DENND1B: variants seen among roughly 807,000 people sequenced by gnomAD.
The protein encoded by DENND1B is DENN domain containing 1B, also known as DENN domain-containing protein 1B.
Under a neutral mutation model 90.1 loss-of-function variants are expected in DENND1B, and 59 were observed. The ratio of observed to expected loss-of-function variants is 0.65; its 90% CI spans 0.53 to 0.81. DENND1B has a LOEUF of 0.81. DENND1B is among the 40% of genes least tolerant of loss of function. DENND1B has a pLI of 0.00. For missense variants in DENND1B, 862 were observed against 912.6 expected (o/e 0.94, Z 0.71); for synonymous variants, 337 against 324.6 (o/e 1.04, Z -0.41).
intron 2 of DENND1B, among the ~76,000 whole-genome samples, chr1:197,751,617 G>A (rs1302568613): frequency 1.3e-5 from 2 of 152,160 alleles, no homozygotes; most frequent in African/African-American, 2.4e-5. Flanking sequence ...GCCGAGGTGG[G>A]TGGATCACTT....
At chr1:197,645,566 T>A in intron 9 of DENND1B, 124 bp downstream of exon 9, 1 of 488,260 alleles carries the variant, frequency 2.0e-6, no homozygotes, top group Non-Finnish European at 3.5e-6. Flanking sequence ...TCTTCATTAT[T>A]TCTCACAAAC....
chr1:197,673,772 T>C (rs1183498747), intron 4 of DENND1B, among the ~76,000 whole-genome samples: 1 of 152,046 alleles, frequency 6.6e-6, no homozygotes, highest in African/African-American at 2.4e-5. Flanking sequence ...CCAGGAAACA[T>C]ACATCAAGAC....
intron 14 of DENND1B, among the ~76,000 whole-genome samples, chr1:197,591,393 G>A (rs567611136): frequency 1.3e-5 from 2 of 152,254 alleles, no homozygotes; most frequent in South Asian, 4.1e-4. Flanking sequence ...CTAATAAACA[G>A]AAGAAGTATA....
At chr1:197,735,260 A>C in intron 2 of DENND1B, 1 of 1,136,986 alleles carries the variant, frequency 8.8e-7, no homozygotes, top group South Asian at 2.3e-5. Flanking sequence ...AGTACCAAAT[A>C]CATCCACCCA....
chr1:197,652,346 A>G, intron 6 of DENND1B, 31 bp from the exon 7 acceptor site: 1 of 1,559,544 alleles, frequency 6.4e-7, no homozygotes, highest in Non-Finnish European at 8.8e-7. Context: ...CATTTTATAA[A>G]TAAAACATAT....
chr1:197,573,338 T>C (rs1170231352), intron 15 of DENND1B, among the ~76,000 whole-genome samples: 1 of 152,202 alleles, frequency 6.6e-6, no homozygotes, highest in Non-Finnish European at 1.5e-5. Context: ...TGGTATGTTG[T>C]GTCTTTGTTC....
At chr1:197,764,012 T>G (rs1218610169) in intron 2 of DENND1B, among the ~76,000 whole-genome samples, 1 of 152,262 alleles carries the variant, frequency 6.6e-6, no homozygotes, top group Non-Finnish European at 1.5e-5. Flanking sequence ...TGATGTCTGT[T>G]AAGAATATCA....
intron 3 of DENND1B, among the ~76,000 whole-genome samples, chr1:197,676,808 T>C (rs1490167799): frequency 1.3e-5 from 2 of 152,102 alleles, no homozygotes; most frequent in African/African-American, 4.8e-5. Flanking sequence ...TGAAAATTTA[T>C]ATTTTGGGGG....
chr1:197,774,988 G>T, intron 1 of DENND1B, 151 bp downstream of exon 1: 1 of 384,098 alleles, frequency 2.6e-6, no homozygotes, highest in Non-Finnish European at 4.2e-6. Context: ...CCGGCCAGAG[G>T]CTTGGGGGCC....
At chr1:197,537,029 A>C (rs1242294269) in intron 20 of DENND1B, among the ~76,000 whole-genome samples, 1 of 145,782 alleles carries the variant, frequency 6.9e-6, no homozygotes, top group African/African-American at 2.5e-5. Flanking sequence ...GGACAGAGCA[A>C]GACTCCGTCT....
At chr1:197,671,724 T>C (rs745430077) in intron 5 of DENND1B, among the ~76,000 whole-genome samples, 4 of 151,328 alleles carry the variant, frequency 2.6e-5, no homozygotes, top group Non-Finnish European at 4.4e-5. Flanking sequence ...CATACATTAA[T>C]TTAACTTATT....
At chr1:197,531,113 GATA>G (rs905539032) in intron 20 of DENND1B, among the ~76,000 whole-genome samples, 2 of 152,154 alleles carry the variant, frequency 1.3e-5, no homozygotes, top group Non-Finnish European at 2.9e-5. Context: ...GAAAAACGCG[GATA>G]ATAATTCTTG....
intron 2 of DENND1B, among the ~76,000 whole-genome samples, chr1:197,749,057 A>G (rs183043228): frequency 3.9e-5 from 6 of 152,304 alleles, no homozygotes; most frequent in Admixed American, 3.9e-4. Flanking sequence ...ATAAAAGATT[A>G]GAGAACCTAA....
chr1:197,536,133 AGAGATT>A (rs1669867124), intron 20 of DENND1B, among the ~76,000 whole-genome samples: 1 of 135,200 alleles, frequency 7.4e-6, no homozygotes, highest in African/African-American at 2.7e-5. Context: ...AGGGAGAGAG[AGAGATT>A]GAGAGAGAGA....
chr1:197,710,509 TA>T (rs1659979209), intron 3 of DENND1B, among the ~76,000 whole-genome samples: 1 of 22,820 alleles, frequency 4.4e-5, no homozygotes, highest in African/African-American at 4.0e-4. Flanking sequence ...AAGGCAGAAA[TA>T]AAGATGTTCT....
chr1:197,654,236 C>T (rs1044991440), intron 6 of DENND1B, among the ~76,000 whole-genome samples: 2 of 152,074 alleles, frequency 1.3e-5, no homozygotes, highest in African/African-American at 4.8e-5. Context: ...ATAAATAATA[C>T]CTCCCTTACT....
intron 18 of DENND1B, among the ~76,000 whole-genome samples, chr1:197,544,758 A>G (rs1024107233): frequency 6.7e-6 from 1 of 149,646 alleles, no homozygotes; most frequent in African/African-American, 2.5e-5. Context: ...GAGAAAGAAG[A>G]AGAGGAAGAG....
intron 5 of DENND1B, among the ~76,000 whole-genome samples, chr1:197,660,309 A>G (rs1654282187): frequency 6.6e-6 from 1 of 152,044 alleles, no homozygotes; most frequent in Non-Finnish European, 1.5e-5. Flanking sequence ...TGTTCTGCAC[A>G]TGTATCCCAG....
intron 3 of DENND1B, among the ~76,000 whole-genome samples, chr1:197,686,604 T>A (rs571695822): frequency 6.6e-6 from 1 of 152,254 alleles, no homozygotes; most frequent in South Asian, 2.1e-4. Context: ...TACTAAGAAA[T>A]GTACTATGTA....
Sources: allele counts gnomAD v4.1 joint callset (sites outside exome capture counted in the v4.1 genomes callset), GRCh38; gene constraint gnomAD v4.1.1; transcripts MANE v1.5; gene names NCBI Gene and HGNC (gene_info 2026-07-23, HGNC 2026-07-21).